The following SCNN1B variants were observed in gnomAD, a reference collection of about 807,000 sequenced individuals.
SCNN1B encodes the protein sodium channel epithelial 1 subunit beta.
Under a neutral mutation model 65.3 loss-of-function variants are expected in SCNN1B, and 46 were observed. That is an observed-to-expected ratio of 0.70 (90% CI 0.56 to 0.90). The LOEUF (loss-of-function observed/expected upper bound fraction) is 0.90. Among genes scored for constraint, SCNN1B ranks in the 40% least tolerant of loss-of-function variants. The probability of loss-of-function intolerance (pLI) is 0.00; values close to 1 mark genes in which losing one functional copy is unlikely to be tolerated. For missense variants in SCNN1B, 751 were observed against 830.5 expected (o/e 0.90, Z 1.18); for synonymous variants, 349 against 330.6 (o/e 1.06, Z -0.60).
chr16:23,343,337 A>G (rs973222589), intron 1 of SCNN1B, among the ~76,000 whole-genome samples: 2 of 151,954 alleles, frequency 1.3e-5, no homozygotes, highest in African/African-American at 4.8e-5. Context: ...CTGTAATCCT[A>G]GCTACTCTGG....
chr16:23,334,081 C>T (rs1374226597), intron 1 of SCNN1B, among the ~76,000 whole-genome samples: 1 of 152,196 alleles, frequency 6.6e-6, no homozygotes, highest in Non-Finnish European at 1.5e-5. Context: ...GAGAGGGTGA[C>T]TCTGCCATTG....
At chr16:23,298,938 C>A (rs1203787588), upstream of SCNN1B, among the ~76,000 whole-genome samples, 1 of 152,096 alleles carries the variant, frequency 6.6e-6, no homozygotes. Flanking sequence ...CACAGTTCCA[C>A]AGGGGACTCA....
intron 7 of SCNN1B, among the ~76,000 whole-genome samples, chr16:23,374,268 GAAAAA>G (rs1223701346): frequency 4.0e-4 from 24 of 60,454 alleles, no homozygotes; most frequent in Admixed American, 8.8e-4. Context: ...CCTGTCTCAG[GAAAAA>G]AAAAAAAAAA....
At chr16:23,379,419 T>G (rs1240986070) in intron 11 of SCNN1B, among the ~76,000 whole-genome samples, 3 of 152,148 alleles carry the variant, frequency 2.0e-5, no homozygotes, top group Non-Finnish European at 4.4e-5. Context: ...AGCCTCAGTC[T>G]GCCTGAGAGA....
chr16:23,297,219 T>C (rs1447102607), intron 2 of SCNN1B, among the ~76,000 whole-genome samples: 1 of 152,194 alleles, frequency 6.6e-6, no homozygotes, highest in Non-Finnish European at 1.5e-5. Context: ...GGCAGTTGCC[T>C]ATCTGAGCCT....
At chr16:23,303,178 A>T (rs1961123038) in intron 1 of SCNN1B, among the ~76,000 whole-genome samples, 1 of 151,706 alleles carries the variant, frequency 6.6e-6, no homozygotes, top group South Asian at 2.1e-4. Context: ...GGGATATAGT[A>T]CAGGGACATT....
At chr16:23,352,449 C>T (rs183379237) in intron 2 of SCNN1B, among the ~76,000 whole-genome samples, 157 of 152,338 alleles carry the variant, frequency 1.0e-3, no homozygotes, top group Middle Eastern at 0.01. Flanking sequence ...ATCATACGGG[C>T]GGCTTTCCGC....
At chr16:23,291,217 A>T (rs922924090) in intron 2 of SCNN1B, among the ~76,000 whole-genome samples, 2 of 151,990 alleles carry the variant, frequency 1.3e-5, no homozygotes, top group Non-Finnish European at 2.9e-5. Flanking sequence ...GCATGCCACC[A>T]AGCCTAGCTA....
chr16:23,344,789 T>A (rs1477824669), intron 1 of SCNN1B, among the ~76,000 whole-genome samples: 1 of 151,716 alleles, frequency 6.6e-6, no homozygotes, highest in Non-Finnish European at 1.5e-5. Context: ...ATCCCAGGAG[T>A]TCGAGACAAG....
intron 1 of SCNN1B, among the ~76,000 whole-genome samples, chr16:23,308,305 T>C (rs533477871): frequency 2.0e-5 from 3 of 152,280 alleles, no homozygotes; most frequent in Admixed American, 6.5e-5. Flanking sequence ...AGAGGATCAA[T>C]TGAGGCCAGG....
intron 1 of SCNN1B, among the ~76,000 whole-genome samples, chr16:23,335,398 T>C (rs1961914372): frequency 6.6e-6 from 1 of 151,982 alleles, no homozygotes; most frequent in South Asian, 2.1e-4. Flanking sequence ...AAGATCCTCC[T>C]GCCTCAGCCT....
chr16:23,332,573 C>T (rs1459396351), intron 1 of SCNN1B, among the ~76,000 whole-genome samples: 1 of 152,116 alleles, frequency 6.6e-6, no homozygotes, highest in Non-Finnish European at 1.5e-5. Flanking sequence ...TCAAGTGATC[C>T]TCCTGCTTTG....
At chr16:23,345,421 G>A (rs1160974928) in intron 1 of SCNN1B, among the ~76,000 whole-genome samples, 1 of 152,196 alleles carries the variant, frequency 6.6e-6, no homozygotes, top group African/African-American at 2.4e-5. Flanking sequence ...TTCCATATCT[G>A]ATGAGGCCAG....
rs781107101 is a variant in SCNN1B at position 23,355,463 on chromosome 16, A to G, written c.750A>G (p.Leu250=). The change falls in exon 4 of 13, where the codon CTA becomes CTG. Residue 250 remains leucine, a synonymous_variant. Transcript: ENST00000343070. ...GCGAGCAGATGATCCTGGCCTGCCT[A>G]TTCGGAGCTGAGCCCTGCAACTACC... The part of the protein sequence containing the change: ...YPGEQMILAC[L]FGAEPCNYRN... 6.2e-7 allele frequency: 1 copy of G among 1,614,154 alleles called. No individual in the cohort carries two copies. The highest frequency in any genetic ancestry group is 1.1e-5 in the South Asian group (1 of 91,066).
At chr16:23,355,208 A>C (rs950184336) in intron 3 of SCNN1B, 91 bp from the exon 4 acceptor site, 8 of 1,311,518 alleles carry the variant, frequency 6.1e-6, no homozygotes, top group East Asian at 2.3e-5. Context: ...GGCAAAGCAC[A>C]GCTCTTGCCC....
chr16:23,344,927 G>A (rs1962153867), intron 1 of SCNN1B, among the ~76,000 whole-genome samples: 2 of 152,146 alleles, frequency 1.3e-5, no homozygotes, highest in South Asian at 4.1e-4. Flanking sequence ...CCGGGAGGTG[G>A]AGGTTGCAGT....
intron 1 of SCNN1B, among the ~76,000 whole-genome samples, chr16:23,327,121 T>C (rs1961713330): frequency 1.3e-5 from 2 of 152,096 alleles, no homozygotes; most frequent in African/African-American, 4.8e-5. Context: ...CTCGCTATAT[T>C]GCCCTGGATG....
chr16:23,301,096 G>C (rs1335428584), upstream of SCNN1B, among the ~76,000 whole-genome samples: 1 of 151,808 alleles, frequency 6.6e-6, no homozygotes, highest in Non-Finnish European at 1.5e-5. Flanking sequence ...GGGCATGGTG[G>C]CTCACACCTG....
exon 2 of SCNN1B, chr16:23,283,803 AG>A (rs1960814915): frequency 1.3e-5 from 2 of 152,240 alleles, no homozygotes; most frequent in Admixed American, 6.5e-5. Context: ...CTACTCTCAC[AG>A]GTAGGGCTGG....
Sources: allele counts gnomAD v4.1 joint callset (sites outside exome capture counted in the v4.1 genomes callset), GRCh38; gene constraint gnomAD v4.1.1; transcripts MANE v1.5; gene names NCBI Gene and HGNC (gene_info 2026-07-23, HGNC 2026-07-21).